Variants in SLC4A5 observed in about 807,000 individuals in gnomAD.
SLC4A5 encodes the protein solute carrier family 4 member 5, also known as electrogenic sodium bicarbonate cotransporter 4.
Under a neutral mutation model 120.4 loss-of-function variants are expected in SLC4A5, and 96 were observed. The ratio of observed to expected loss-of-function variants is 0.80; its 90% CI spans 0.68 to 0.94. The LOEUF (loss-of-function observed/expected upper bound fraction) is 0.94, where lower values mean the gene tolerates loss of function less well. SLC4A5 is among the 40% of genes least tolerant of loss of function. The probability of loss-of-function intolerance (pLI) is 0.00; values close to 1 mark genes in which losing one functional copy is unlikely to be tolerated. For synonymous variants in SLC4A5, 550 were observed against 571.1 expected (o/e 0.96, Z 0.53); for missense variants, 1,259 against 1,459.5 (o/e 0.86, Z 2.24).
chr2:74,252,476 G>A, intron 15 of SLC4A5, 88 bp from the exon 16 acceptor site: 2 of 1,490,208 alleles, frequency 1.3e-6, no homozygotes, highest in Admixed American at 2.0e-5. Context: ...TTAAAAGACA[G>A]ACAAAAATGC....
chr2:74,341,042 C>T (rs1390958002), intron 2 of SLC4A5, among the ~76,000 whole-genome samples: 2 of 152,160 alleles, frequency 1.3e-5, no homozygotes, highest in Admixed American at 1.3e-4. Flanking sequence ...CAGTGGCTCA[C>T]GCCTGTAATC....
rs868859400 is a variant in SLC4A5 at position 74,255,437 on chromosome 2, C to T, written c.1025+338G>A. 2.2e-4 allele frequency among the ~76,000 whole-genome samples: 34 copies of T among 152,042 alleles called. No individual in the cohort carries two copies. Among genetic ancestry groups the T allele is most frequent in the Middle Eastern group, 3.2e-3 (1 of 314 alleles). On this transcript the variant is annotated intron_variant, in intron 13 of 30. Coordinates refer to ENST00000394019, the Ensembl canonical transcript of SLC4A5. This position sits in a 1 kb window ranked among gnomAD's most constrained non-coding sequence, Gnocchi z 4.0. ...CCTCCCGAGGAGCTGGGATTACAGG[C>T]GCGTACCACCACACCTGGCTAATTT...
chr2:74,335,409 C>T (rs938355716), intron 3 of SLC4A5, among the ~76,000 whole-genome samples: 1 of 152,182 alleles, frequency 6.6e-6, no homozygotes, highest in Admixed American at 6.5e-5. Flanking sequence ...GACCCAGAAA[C>T]AGCATGCAGC....
At chr2:74,285,072 T>C (rs1479418728) in intron 8 of SLC4A5, among the ~76,000 whole-genome samples, 1 of 152,078 alleles carries the variant, frequency 6.6e-6, no homozygotes, top group Non-Finnish European at 1.5e-5. Flanking sequence ...AGTGAGACCT[T>C]ATCACTACAA....
intron 21 of SLC4A5, among the ~76,000 whole-genome samples, chr2:74,237,230 C>G (rs1200424557): frequency 6.6e-6 from 1 of 152,164 alleles, no homozygotes; most frequent in Non-Finnish European, 1.5e-5. Context: ...CCTGCCTGGG[C>G]CTCCCAAAGT....
Position 74,280,363 on chromosome 2 carries a change from C to T in SLC4A5, c.401+5410G>A, listed in dbSNP as rs575888657. ...GCCCCTATGCTCTGCTTTCACAGTGCCCCCATTACCAAATGCCCCCTTATT... is the reference window on the plus strand; with the variant it reads ...GCCCCTATGCTCTGCTTTCACAGTGTCCCCATTACCAAATGCCCCCTTATT... On this transcript the variant is annotated intron_variant, in intron 8 of 30. Transcript: ENST00000394019. Among the ~76,000 whole-genome samples the T allele has an allele frequency of 3.3e-5, 5 of 152,300 alleles. No individual in the cohort carries two copies. The South Asian group carries it at 1.0e-3, about 32-fold the overall frequency.
chr2:74,264,197 T>C (rs1671229066), exon 10 of SLC4A5: 4 of 1,614,224 alleles, frequency 2.5e-6, no homozygotes, highest in Non-Finnish European at 3.4e-6. Flanking sequence ...GTGGATGGGC[T>C]TCTTGGTTTG....
intron 7 of SLC4A5, among the ~76,000 whole-genome samples, chr2:74,295,906 A>G (rs1395508220): frequency 1.3e-5 from 2 of 152,228 alleles, no homozygotes; most frequent in African/African-American, 4.8e-5. Flanking sequence ...TGAGACTAGA[A>G]GCCTTTGGAA....
chr2:74,221,597 C>A (rs1694648971), intron 29 of SLC4A5, 96 bp from the exon 30 acceptor site: 10 of 1,253,036 alleles, frequency 8.0e-6, no homozygotes, highest in South Asian at 7.4e-5. Context: ...CCTTCTCTAA[C>A]CCTAGAGCCA....
intron 1 of SLC4A5, 151 bp from the exon 2 acceptor site, chr2:74,342,685 C>A (rs1003703230): frequency 2.6e-5 from 4 of 152,196 alleles, no homozygotes; most frequent in Middle Eastern, 3.2e-3. Context: ...TACATAAGAG[C>A]TATGCAGTCT....
chr2:74,237,043 CTT>C (rs1670290613), intron 21 of SLC4A5, among the ~76,000 whole-genome samples: 1 of 148,690 alleles, frequency 6.7e-6, no homozygotes, highest in African/African-American at 2.5e-5. Context: ...GTGGCGCAAT[CTT>C]TGCTCACGGC....
intron 5 of SLC4A5, chr2:74,319,396 C>G (rs1310364523): frequency 2.6e-5 from 4 of 152,136 alleles, no homozygotes; most frequent in Admixed American, 6.5e-5. Context: ...AACTATGTAG[C>G]TGGTGCTCGC....
intron 7 of SLC4A5, chr2:74,290,758 C>G: frequency 1.0e-6 from 1 of 986,278 alleles, no homozygotes; most frequent in Non-Finnish European, 1.2e-6. Flanking sequence ...GAAGCCGGGT[C>G]TCCACAGCAG....
chr2:74,332,281 GC>G (rs1163445470), intron 4 of SLC4A5, among the ~76,000 whole-genome samples: 1 of 152,078 alleles, frequency 6.6e-6, no homozygotes, highest in Non-Finnish European at 1.5e-5. Flanking sequence ...AAACTCTACT[GC>G]CCTACGATTC....
intron 5 of SLC4A5, among the ~76,000 whole-genome samples, chr2:74,326,113 C>T (rs1476127922): frequency 6.6e-6 from 1 of 152,062 alleles, no homozygotes; most frequent in Non-Finnish European, 1.5e-5. Flanking sequence ...ATAAGTCCCT[C>T]CTTGGTAAAA....
At chr2:74,239,039 A>C (rs1227123288) in intron 21 of SLC4A5, among the ~76,000 whole-genome samples, 2 of 152,266 alleles carry the variant, frequency 1.3e-5, no homozygotes, top group Non-Finnish European at 2.9e-5. Flanking sequence ...GCATGTGGCC[A>C]ATAAACACAG....
intron 8 of SLC4A5, among the ~76,000 whole-genome samples, chr2:74,272,757 G>T (rs568311342): frequency 6.6e-6 from 1 of 152,180 alleles, no homozygotes; most frequent in Non-Finnish European, 1.5e-5. Context: ...CTAGTAACTC[G>T]GTCAGAGATA....
At chr2:74,232,869 C>G (rs1436670624) in intron 23 of SLC4A5, among the ~76,000 whole-genome samples, 1 of 152,158 alleles carries the variant, frequency 6.6e-6, no homozygotes, top group Non-Finnish European at 1.5e-5. Context: ...GAGGGATGTT[C>G]AAGCTTGGAG....
chr2:74,331,992 T>C (rs575374237), intron 4 of SLC4A5, among the ~76,000 whole-genome samples: 1 of 152,254 alleles, frequency 6.6e-6, no homozygotes, highest in East Asian at 1.9e-4. Flanking sequence ...TCTTGCGTTG[T>C]GGGATAGGGG....
Sources: allele counts gnomAD v4.1 joint callset (sites outside exome capture counted in the v4.1 genomes callset), GRCh38; gene constraint gnomAD v4.1.1; non-coding constraint Gnocchi (gnomAD v3.1); transcripts MANE v1.5; gene names NCBI Gene and HGNC (gene_info 2026-07-23, HGNC 2026-07-21).